The following NRSN1 variants were observed in gnomAD, a reference collection of about 807,000 sequenced individuals.
NRSN1 encodes the protein neurensin-1.
NRSN1 carries 14 observed loss-of-function variants against 17.3 expected under a neutral mutation model. The ratio of observed to expected loss-of-function variants is 0.81; its 90% CI spans 0.54 to 1.27. The LOEUF is 1.27. Among genes scored for constraint, NRSN1 ranks in the 50% most tolerant of loss-of-function variants. The pLI is 0.00. For synonymous variants in NRSN1, 79 were observed against 94.2 expected (o/e 0.84, Z 0.93); for missense variants, 209 against 235.9 (o/e 0.89, Z 0.75).
chr6:24,140,216 C>T (rs1021598844), intron 3 of NRSN1, among the ~76,000 whole-genome samples: 5 of 152,136 alleles, frequency 3.3e-5, no homozygotes, highest in African/African-American at 4.8e-5. Flanking sequence ...CTAAGCGTGG[C>T]TGTCAAGGGT....
chr6:24,136,543 C>CA (rs35922116), intron 3 of NRSN1, among the ~76,000 whole-genome samples: 41,923 of 141,384 alleles, frequency 0.3, 6,151 homozygotes, highest in East Asian at 0.59. Context: ...CCCTATTTGT[C>CA]AAAAAAAAAA....
At position 24,146,768 on chromosome 6, in the gene NRSN1, A is replaced by G. The variant is rs1195146894; in HGVS notation, c.*822A>G. The G allele has an allele frequency of 6.5e-6, 1 of 154,292 alleles. No individual in the cohort carries two copies. Among genetic ancestry groups the G allele is most frequent in the Admixed American group, 6.4e-5 (1 of 15,544 alleles). 9.6% of individuals were successfully genotyped at this position (154,292 alleles called of 1,614,324 possible). A position where few individuals can be genotyped will look rare whatever the true frequency, so the allele number is the denominator to read the frequency against. ...GCCAACTTTAGAATCTTGACCAAAAAAAATTAATTTTAGGAGCATCTATTT... is the reference window on the plus strand; with the variant it reads ...GCCAACTTTAGAATCTTGACCAAAAGAAATTAATTTTAGGAGCATCTATTT... On this transcript the variant is annotated 3_prime_UTR_variant, in exon 4 of 4. Transcript: ENST00000378491.
chr6:24,133,124 G>T (rs1358287560), intron 2 of NRSN1, among the ~76,000 whole-genome samples: 1 of 152,034 alleles, frequency 6.6e-6, no homozygotes, highest in Admixed American at 6.5e-5. Flanking sequence ...AAATAAAGTA[G>T]AAATTTCCAT....
At chr6:24,142,680 T>C (rs1159354667) in intron 3 of NRSN1, among the ~76,000 whole-genome samples, 1 of 152,118 alleles carries the variant, frequency 6.6e-6, no homozygotes, top group African/African-American at 2.4e-5. Flanking sequence ...GCTTGTCTTG[T>C]GTCCAGAAGT....
intron 2 of NRSN1, among the ~76,000 whole-genome samples, chr6:24,131,956 G>A (rs934270771): frequency 2.0e-5 from 3 of 152,126 alleles, no homozygotes; most frequent in Admixed American, 6.5e-5. Flanking sequence ...GGGAGTGCAG[G>A]TGTGGGTGTG....
intron 2 of NRSN1, among the ~76,000 whole-genome samples, chr6:24,132,961 T>G (rs1448542691): frequency 6.6e-6 from 1 of 152,210 alleles, no homozygotes; most frequent in African/African-American, 2.4e-5. Context: ...GCTATACATT[T>G]ATTTGCTTAT....
rs898974335 is a variant in NRSN1 at position 24,145,151 on chromosome 6, A to G, written c.190-397A>G. Among the ~76,000 whole-genome samples the G allele has an allele frequency of 4.1e-5, 6 of 144,898 alleles. No homozygotes were observed. The highest frequency in any genetic ancestry group is 7.5e-5 in the Non-Finnish European group (5 of 66,426). ...TATCTTTAGACATATAATATATAAT[A>G]TATATATCTTTGGACATATATATTA... On this transcript the variant is annotated intron_variant, in intron 3 of 3. Coordinates refer to ENST00000378491, the MANE Select transcript of NRSN1 (RefSeq NM_080723.5). The surrounding 1 kb of genome is among the most constrained non-coding windows in gnomAD (Gnocchi z 4.4).
intron 2 of NRSN1, chr6:24,129,706 T>C (rs1019987288): frequency 2.6e-5 from 4 of 152,206 alleles, no homozygotes; most frequent in Admixed American, 2.6e-4. Flanking sequence ...ATAGGTGTGC[T>C]GAGTTGGTAA....
chr6:24,145,527 T>A lies in NRSN1; in HGVS notation c.190-21T>A. 6.5e-7 allele frequency: 1 copy of A among 1,549,738 alleles called. No individual in the cohort carries two copies. The highest frequency in any genetic ancestry group is 1.2e-5 in the South Asian group (1 of 80,110). Reference sequence around the variant, plus strand: ...AGCACCTTCCTCACTCTATCTTGCTTCTGTCATTATCTACCTGTAGGTTGG... The same window carrying A: ...AGCACCTTCCTCACTCTATCTTGCTACTGTCATTATCTACCTGTAGGTTGG... On this transcript the variant is annotated intron_variant, in intron 3 of 3. Coordinates refer to ENST00000378491, the MANE Select transcript of NRSN1 (RefSeq NM_080723.5). The surrounding 1 kb of genome is among the most constrained non-coding windows in gnomAD (Gnocchi z 4.4).
intron 3 of NRSN1, among the ~76,000 whole-genome samples, chr6:24,139,579 G>C (rs955029743): frequency 6.6e-6 from 1 of 152,218 alleles, no homozygotes; most frequent in Non-Finnish European, 1.5e-5. Context: ...GGTTTGAGGA[G>C]TGTTTGGGAC....
chr6:24,141,957 G>T (rs914925292), intron 3 of NRSN1, among the ~76,000 whole-genome samples: 1 of 152,178 alleles, frequency 6.6e-6, no homozygotes, highest in Non-Finnish European at 1.5e-5. Context: ...CAATTCTTCA[G>T]CAGGGAGTTA....
chr6:24,140,770 G>T (rs1255667531), intron 3 of NRSN1, among the ~76,000 whole-genome samples: 2 of 152,214 alleles, frequency 1.3e-5, no homozygotes, highest in African/African-American at 4.8e-5. Context: ...CTGTCTATTG[G>T]AGTAAACTGC....
intron 3 of NRSN1, among the ~76,000 whole-genome samples, chr6:24,138,182 G>A (rs1003548698): frequency 3.9e-5 from 6 of 151,900 alleles, no homozygotes; most frequent in Non-Finnish European, 7.4e-5. Context: ...ACACACACAC[G>A]CACAAACACA....
At chr6:24,139,680 C>G (rs910908022) in intron 3 of NRSN1, among the ~76,000 whole-genome samples, 10 of 152,144 alleles carry the variant, frequency 6.6e-5, no homozygotes, top group Admixed American at 2.6e-4. Flanking sequence ...TTGGAAGTCA[C>G]TGGTAACAGG....
chr6:24,134,642 T>G (rs943341239), intron 3 of NRSN1, 126 bp downstream of exon 3: 5 of 736,546 alleles, frequency 6.8e-6, no homozygotes, highest in Non-Finnish European at 1.1e-5. Context: ...TGATACTAAA[T>G]GCATTTTTCT....
Position 24,139,923 on chromosome 6 carries a change from T to TA in NRSN1, c.189+5413dup, listed in dbSNP as rs538392964. Among the ~76,000 whole-genome samples, 36 of 152,130 alleles carry TA rather than the reference T, an allele frequency of 2.4e-4. 1 individual carries two copies. In the East Asian group the frequency reaches 5.8e-3, roughly 25 times the overall value. ...GAATGACAGAGAGTGACCCTGTCTC[T>TA]AAAAAAGGTGGGAAGGGTAGAATCC... On this transcript the variant is annotated intron_variant, in intron 3 of 3. Coordinates refer to ENST00000378491, the MANE Select transcript of NRSN1 (RefSeq NM_080723.5).
chr6:24,144,856 G>A (rs886307985), intron 3 of NRSN1, among the ~76,000 whole-genome samples: 3 of 151,526 alleles, frequency 2.0e-5, no homozygotes, highest in Admixed American at 6.6e-5. Context: ...TAACAATGTC[G>A]AGGCCTAGGG....
chr6:24,140,008 T>C (rs1189967880), intron 3 of NRSN1, among the ~76,000 whole-genome samples: 1 of 152,220 alleles, frequency 6.6e-6, no homozygotes, highest in African/African-American at 2.4e-5. Flanking sequence ...GTGAGTTGTT[T>C]GGAGCAGAGA....
chr6:24,139,609 T>A (rs1228444860), intron 3 of NRSN1, among the ~76,000 whole-genome samples: 1 of 152,246 alleles, frequency 6.6e-6, no homozygotes. Flanking sequence ...TAGATTTTCC[T>A]GTTGGTTGTC....
Sources: allele counts gnomAD v4.1 joint callset (sites outside exome capture counted in the v4.1 genomes callset), GRCh38; gene constraint gnomAD v4.1.1; non-coding constraint Gnocchi (gnomAD v3.1); transcripts MANE v1.5; gene names NCBI Gene and HGNC (gene_info 2026-07-23, HGNC 2026-07-21).